Variants in GAP43 observed in about 807,000 individuals in gnomAD.
GAP43 encodes the protein growth associated protein 43, also known as neuromodulin.
A neutral mutation model predicts 18.6 loss-of-function variants in GAP43; 6 were observed. That is an observed-to-expected ratio of 0.32 (90% CI 0.18 to 0.64). The LOEUF (loss-of-function observed/expected upper bound fraction) is 0.64. Ranked by LOEUF, GAP43 falls within the 30% of genes least tolerant of loss-of-function variation. GAP43 has a pLI of 0.78. For synonymous variants in GAP43, 115 were observed against 111.4 expected, an observed-to-expected ratio of 1.03 and a Z score of -0.20; for missense variants, 292 against 295.5, an observed-to-expected ratio of 0.99 and a Z score of 0.09.
chr3:115,658,624 G>A (rs1708617209), intron 1 of GAP43: 1 of 152,206 alleles, frequency 6.6e-6, no homozygotes, highest in African/African-American at 2.4e-5. Flanking sequence ...CCGCTGCACG[G>A]AGAGCCCCCC....
intron 2 of GAP43, among the ~76,000 whole-genome samples, chr3:115,706,734 C>CTAT (rs1709368982): frequency 6.6e-6 from 1 of 152,066 alleles, no homozygotes; most frequent in African/African-American, 2.4e-5. Context: ...TTTCAAAAAA[C>CTAT]TATTCTTTTT....
intron 2 of GAP43, among the ~76,000 whole-genome samples, chr3:115,697,984 CGT>C (rs62915860): frequency 0.29 from 31,888 of 109,704 alleles, 6,903 homozygotes; most frequent in African/African-American, 0.61. Context: ...AGTACATGTG[CGT>C]GTGTGTGTGT....
At chr3:115,656,731 T>C (rs949434731) in intron 1 of GAP43, among the ~76,000 whole-genome samples, 1 of 152,208 alleles carries the variant, frequency 6.6e-6, no homozygotes, top group South Asian at 2.1e-4. Context: ...AAATGGATTG[T>C]ATTTCAAAAA....
chr3:115,702,000 G>A (rs1347795262), intron 2 of GAP43, among the ~76,000 whole-genome samples: 5 of 152,094 alleles, frequency 3.3e-5, no homozygotes. Flanking sequence ...AGGTGCATTT[G>A]GGAGAGAGGG....
At chr3:115,623,742 T>G in intron 1 of GAP43, 23 bp downstream of exon 1, 1 of 1,613,928 alleles carries the variant, frequency 6.2e-7, no homozygotes, top group Non-Finnish European at 8.5e-7. Flanking sequence ...ATTTTTTACT[T>G]CTTGCTGTTG....
chr3:115,714,781 T>C (rs966650475), intron 2 of GAP43, among the ~76,000 whole-genome samples: 1 of 151,858 alleles, frequency 6.6e-6, no homozygotes, highest in Non-Finnish European at 1.5e-5. Flanking sequence ...CTGGTAAAGA[T>C]GGATTTGGGG....
intron 2 of GAP43, among the ~76,000 whole-genome samples, chr3:115,691,181 C>A (rs1394574805): frequency 1.3e-5 from 2 of 151,940 alleles, no homozygotes; most frequent in Non-Finnish European, 2.9e-5. Context: ...TCTTGGTGAC[C>A]CAAAGTAAAG....
chr3:115,642,114 A>G (rs1172220495), intron 1 of GAP43, among the ~76,000 whole-genome samples: 1 of 152,108 alleles, frequency 6.6e-6, no homozygotes, highest in Non-Finnish European at 1.5e-5. Context: ...AAAGAAGACC[A>G]TACTCCCAAT....
chr3:115,699,583 G>C (rs1161503910), intron 2 of GAP43, among the ~76,000 whole-genome samples: 1 of 152,008 alleles, frequency 6.6e-6, no homozygotes, highest in Non-Finnish European at 1.5e-5. Flanking sequence ...TTTACAGCAG[G>C]CATTAATACC....
At chr3:115,637,868 C>CT (rs1708349556) in intron 1 of GAP43, among the ~76,000 whole-genome samples, 1 of 152,134 alleles carries the variant, frequency 6.6e-6, no homozygotes, top group African/African-American at 2.4e-5. Flanking sequence ...CTTATATCTT[C>CT]TTTTTTTCAT....
chr3:115,695,335 T>A (rs1171176573), intron 2 of GAP43, among the ~76,000 whole-genome samples: 1 of 152,178 alleles, frequency 6.6e-6, no homozygotes, highest in East Asian at 1.9e-4. Context: ...TCCAGAAATT[T>A]CATCACAGTT....
intron 2 of GAP43, among the ~76,000 whole-genome samples, chr3:115,689,506 T>C (rs283379): frequency 0.12 from 19,006 of 152,200 alleles, 1,487 homozygotes; most frequent in African/African-American, 0.23. Context: ...CTAAGAGTTT[T>C]TCAGGCAAGT....
At chr3:115,691,278 A>G (rs1709107424) in intron 2 of GAP43, among the ~76,000 whole-genome samples, 2 of 152,218 alleles carry the variant, frequency 1.3e-5, no homozygotes, top group Admixed American at 1.3e-4. Context: ...CAGAATTGCA[A>G]CAAACATGAA....
At chr3:115,681,729 G>C (rs968911591) in intron 2 of GAP43, among the ~76,000 whole-genome samples, 15 of 152,146 alleles carry the variant, frequency 9.9e-5, no homozygotes, top group African/African-American at 9.7e-5. Flanking sequence ...TAACTGCCAG[G>C]TCCTGTGCTG....
intron 1 of GAP43, 89 bp downstream of exon 1, chr3:115,623,808 T>C (rs746659155): frequency 1.6e-5 from 22 of 1,374,402 alleles, no homozygotes; most frequent in Non-Finnish European, 2.3e-5. Flanking sequence ...TTTTACTGCT[T>C]CTGCTCTGGC....
intron 1 of GAP43, among the ~76,000 whole-genome samples, chr3:115,641,740 T>C (rs2107470761): frequency 6.6e-6 from 1 of 152,254 alleles, no homozygotes; most frequent in Non-Finnish European, 1.5e-5. Flanking sequence ...TATCATTGAC[T>C]AGTAGAGCTA....
chr3:115,693,692 T>A (rs1709143906), intron 2 of GAP43, among the ~76,000 whole-genome samples: 2 of 136,434 alleles, frequency 1.5e-5, no homozygotes, highest in Non-Finnish European at 3.0e-5. Context: ...AAGAAAGGGG[T>A]GGGGGAGTGC....
chr3:115,667,559 G>T (rs748869642), intron 1 of GAP43, among the ~76,000 whole-genome samples: 1 of 152,120 alleles, frequency 6.6e-6, no homozygotes, highest in South Asian at 2.1e-4. Context: ...AAGACACTTC[G>T]CAGTGTCTTA....
intron 2 of GAP43, among the ~76,000 whole-genome samples, chr3:115,700,721 C>T (rs1709288164): frequency 6.6e-6 from 1 of 152,160 alleles, no homozygotes; most frequent in Non-Finnish European, 1.5e-5. Context: ...TTTATTGCTA[C>T]ACTTTCCTGA....
Sources: allele counts gnomAD v4.1 joint callset (sites outside exome capture counted in the v4.1 genomes callset), GRCh38; gene constraint gnomAD v4.1.1; transcripts MANE v1.5; gene names NCBI Gene and HGNC (gene_info 2026-07-23, HGNC 2026-07-21).